UBXN4: variants seen among roughly 807,000 people sequenced by gnomAD.
UBXN4 encodes UBX domain-containing protein 4.
A neutral mutation model predicts 66.2 loss-of-function variants in UBXN4; 35 were observed. The observed-to-expected ratio is 0.53, with a 90% CI of 0.40 to 0.70. UBXN4 has a LOEUF of 0.70. Among genes scored for constraint, UBXN4 ranks in the 30% least tolerant of loss-of-function variants. UBXN4 has a pLI of 0.00. For synonymous variants in UBXN4, 203 were observed against 204.5 expected, an observed-to-expected ratio of 0.99 and a Z score of 0.06; for missense variants, 533 against 599.8, an observed-to-expected ratio of 0.89 and a Z score of 1.16.
At chr2:135,782,645 A>AAGTAAAACT (rs1347823651) in intron 12 of UBXN4, 104 bp from the exon 13 acceptor site, 4 of 1,387,234 alleles carry the variant, frequency 2.9e-6, no homozygotes, top group Non-Finnish European at 3.9e-6. Flanking sequence ...ATGGCATTAA[A>AAGTAAAACT]AGTAAAACTT....
chr2:135,744,561 C>T (rs765413667), intron 1 of UBXN4, among the ~76,000 whole-genome samples: 21 of 152,112 alleles, frequency 1.4e-4, no homozygotes, highest in Non-Finnish European at 2.2e-4. Flanking sequence ...TAATGATAGA[C>T]GCCATTTTCT....
At position 135,754,273 on chromosome 2, in the gene UBXN4, G is replaced by T; in HGVS notation, c.329G>T (p.Arg110Leu). Reference sequence around the variant, plus strand: ...CTTGTTACAAGAATTCACAAGGTCCGACAGGTAAGAAGGAACAGAACTGTT... The same window carrying T: ...CTTGTTACAAGAATTCACAAGGTCCTACAGGTAAGAAGGAACAGAACTGTT... ...DELVTRIHKV[R>L]QMHLLKSETS... The change falls in exon 4 of 13, where the codon CGA becomes CTA. Residue 110 changes from arginine (R) to leucine (L), a missense_variant. Coordinates refer to ENST00000272638, the MANE Select transcript of UBXN4 (RefSeq NM_014607.4). 6.2e-7 allele frequency: 1 copy of T among 1,610,742 alleles called. No individual in the cohort carries two copies. The highest frequency in any genetic ancestry group is 8.5e-7 in the Non-Finnish European group (1 of 1,177,104).
intron 2 of UBXN4, among the ~76,000 whole-genome samples, 165 bp from the exon 3 acceptor site, chr2:135,753,374 A>G (rs1009399771): frequency 5.3e-5 from 8 of 152,226 alleles, no homozygotes; most frequent in African/African-American, 1.9e-4. Flanking sequence ...AAAAAGTCTT[A>G]ATGAAATAAG....
chr2:135,764,369 A>G (rs568969214), intron 6 of UBXN4, among the ~76,000 whole-genome samples: 9 of 152,342 alleles, frequency 5.9e-5, no homozygotes, highest in Non-Finnish European at 1.0e-4. Context: ...AATTCATCCT[A>G]TCTTGTACAT....
intron 5 of UBXN4, among the ~76,000 whole-genome samples, chr2:135,759,971 T>TGAGACCAG: frequency 6.6e-6 from 1 of 152,088 alleles, no homozygotes; most frequent in South Asian, 2.1e-4. Flanking sequence ...TTTCACCATG[T>TGAGACCAG]TGGCCAGACT....
In UBXN4 at chr2:135,780,392, G is replaced by C; in HGVS notation, c.1388+7G>C. 1.2e-6 allele frequency: 2 copies of C among 1,612,578 alleles called. No individual in the cohort carries two copies. The highest frequency in any genetic ancestry group is 1.1e-5 in the South Asian group (1 of 91,026). The stretch of plus-strand genomic sequence containing the variant: ...CTAGCAAATCAGAAAAAAGGTATCT[G>C]TGTGTGTTTTCCCCATTTATAAAAT... On this transcript the variant is annotated splice_region_variant and intron_variant, in intron 12 of 12. Transcript: ENST00000272638.
intron 12 of UBXN4, 87 bp downstream of exon 12, chr2:135,780,472 C>G (rs2077443043): frequency 2.4e-6 from 3 of 1,250,950 alleles, no homozygotes. Context: ...CTTTGCCTTT[C>G]TGTATATGTC....
chr2:135,747,572 A>G (rs1265522034), intron 1 of UBXN4: 7 of 456,174 alleles, frequency 1.5e-5, no homozygotes, highest in African/African-American at 4.0e-5. Flanking sequence ...TGGAGTATAA[A>G]TGCTGTGGAG....
intron 2 of UBXN4, among the ~76,000 whole-genome samples, chr2:135,752,832 T>C (rs2077252655): frequency 6.6e-6 from 1 of 151,882 alleles, no homozygotes; most frequent in Admixed American, 6.6e-5. Flanking sequence ...GCGATTCTCT[T>C]GCCTCAGCCT....
intron 10 of UBXN4, among the ~76,000 whole-genome samples, chr2:135,778,429 C>T (rs528940660): frequency 1.3e-5 from 2 of 152,200 alleles, no homozygotes; most frequent in East Asian, 3.9e-4. Context: ...CAGTGCTGTC[C>T]ATTGTACGTT....
At chr2:135,748,246 A>T (rs757825112) in intron 1 of UBXN4, 21 bp from the exon 2 acceptor site, 2 of 1,528,762 alleles carry the variant, frequency 1.3e-6, no homozygotes, top group East Asian at 4.8e-5. Context: ...CTGGTATAAG[A>T]ATTTTTGAAA....
chr2:135,745,875 C>CTTTTTTTTGTTT (rs2077204434), intron 1 of UBXN4, among the ~76,000 whole-genome samples: 1 of 74,398 alleles, frequency 1.3e-5, no homozygotes, highest in East Asian at 5.1e-4. Context: ...GTCCCGTTTA[C>CTTTTTTTTGTTT]TTTTTTTTTT....
At chr2:135,758,748 GTTGCCTT>G (rs2077293599) in intron 5 of UBXN4, among the ~76,000 whole-genome samples, 1 of 151,834 alleles carries the variant, frequency 6.6e-6, no homozygotes, top group Non-Finnish European at 1.5e-5. Flanking sequence ...ATTATATATA[GTTGCCTT>G]TTAAAATAAT....
chr2:135,770,798 C>T, intron 8 of UBXN4, 63 bp downstream of exon 8: 1 of 1,338,996 alleles, frequency 7.5e-7, no homozygotes, highest in Non-Finnish European at 9.6e-7. Context: ...CTTTAGATTA[C>T]TACCAGACTG....
intron 9 of UBXN4, among the ~76,000 whole-genome samples, chr2:135,775,018 T>C (rs565504469): frequency 6.6e-6 from 1 of 152,224 alleles, no homozygotes; most frequent in South Asian, 2.1e-4. Flanking sequence ...CCAAAGAAGA[T>C]AAACAAATGG....
chr2:135,776,503 G>T (rs2077415638), intron 10 of UBXN4, 152 bp downstream of exon 10: 1 of 618,104 alleles, frequency 1.6e-6, no homozygotes, highest in Middle Eastern at 4.2e-4. Flanking sequence ...TGGAAATTCT[G>T]TCGGGTGTTA....
intron 9 of UBXN4, 89 bp downstream of exon 9, chr2:135,772,636 G>A: frequency 6.6e-7 from 1 of 1,517,548 alleles, no homozygotes; most frequent in South Asian, 1.2e-5. Flanking sequence ...TGTATACTGT[G>A]GTTATAAGCA....
chr2:135,774,963 G>T, intron 9 of UBXN4, among the ~76,000 whole-genome samples: 1 of 152,014 alleles, frequency 6.6e-6, no homozygotes, highest in Non-Finnish European at 1.5e-5. Context: ...CAATTATAAA[G>T]ACACCCAGTT....
chr2:135,770,242 G>A (rs2077374837), intron 7 of UBXN4, among the ~76,000 whole-genome samples: 1 of 152,130 alleles, frequency 6.6e-6, no homozygotes, highest in Non-Finnish European at 1.5e-5. Flanking sequence ...TGTCTTTGGA[G>A]TTCTAATATA....
Sources: allele counts gnomAD v4.1 joint callset (sites outside exome capture counted in the v4.1 genomes callset), GRCh38; gene constraint gnomAD v4.1.1; transcripts MANE v1.5; gene names NCBI Gene and HGNC (gene_info 2026-07-23, HGNC 2026-07-21).